The following RNF43 variants were observed in gnomAD, a reference collection of about 807,000 sequenced individuals.
RNF43 encodes the protein E3 ubiquitin-protein ligase RNF43.
Under a neutral mutation model 78.4 loss-of-function variants are expected in RNF43, and 37 were observed. That is an observed-to-expected ratio of 0.47 (90% CI 0.36 to 0.62). The LOEUF (loss-of-function observed/expected upper bound fraction) is 0.62. RNF43 is among the 20% of genes least tolerant of loss of function. The pLI is 0.00. For synonymous variants in RNF43, 347 were observed against 395.0 expected (o/e 0.88, Z 1.44); for missense variants, 774 against 1,007.9 (o/e 0.77, Z 3.14).
chr17:58,399,258 TGAACACAGA>T (rs879426742), intron 2 of RNF43, among the ~76,000 whole-genome samples: 79 of 152,312 alleles, frequency 5.2e-4, no homozygotes, highest in Non-Finnish European at 7.3e-4. Context: ...TACAAAACAC[TGAACACAGA>T]TTTTTTTATA....
intron 2 of RNF43, among the ~76,000 whole-genome samples, chr17:58,391,539 C>G (rs559432447): frequency 1.3e-5 from 2 of 152,176 alleles, no homozygotes; most frequent in Non-Finnish European, 2.9e-5. Context: ...TGGGGGCCAA[C>G]GCTGGACGCC....
Position 58,362,718 on chromosome 17 carries a change from A to T in RNF43, c.583-70T>A. On this transcript the variant is annotated intron_variant, in intron 5 of 9. Coordinates refer to ENST00000407977, the MANE Select transcript of RNF43 (RefSeq NM_017763.6). ...GCTGGGTCAATTCGGGAGGAAACAC[A>T]GGAGCCCGGGAGGCACATAGCTAAC... 2.4e-6 allele frequency: 3 copies of T among 1,250,564 alleles called. No homozygotes were observed. The South Asian group carries it at 4.2e-5, about 17-fold the overall frequency. 77.5% of individuals were successfully genotyped at this position (1,250,564 alleles called of 1,614,324 possible).
chr17:58,404,377 A>G (rs1330336150), intron 2 of RNF43, among the ~76,000 whole-genome samples: 2 of 152,314 alleles, frequency 1.3e-5, no homozygotes, highest in Non-Finnish European at 2.9e-5. Flanking sequence ...CCAACTCTAC[A>G]CCAACAGATG....
chr17:58,371,069 T>G (rs376915958), intron 2 of RNF43, 36 bp from the exon 3 acceptor site: 54 of 1,532,806 alleles, frequency 3.5e-5, no homozygotes, highest in Non-Finnish European at 4.6e-5. Flanking sequence ...AGGGAGGCTT[T>G]AGGCAGCAGG....
rs746582652 is a variant in RNF43, at chr17:58,363,353, G to A, written c.504C>T (p.Asp168=). 2.5e-5 allele frequency: 40 copies of A among 1,614,122 alleles called. No homozygotes were observed. Among genetic ancestry groups the A allele is most frequent in the Middle Eastern group, 1.6e-4 (1 of 6,062 alleles). ...TWPVVLIWGN[D]AEKLMEFVYK... ...ACACAAACTCCATCAGCTTCTCAGC[G>A]TCATTACCCCAGATCAACACCACTG... Residue 168 remains aspartate, a synonymous_variant, in exon 5 of 10, where the codon GAC becomes GAT. Coordinates refer to ENST00000407977, the MANE Select transcript of RNF43 (RefSeq NM_017763.6).
chr17:58,405,045 G>GGTATGACT (rs889847403), intron 2 of RNF43, among the ~76,000 whole-genome samples: 13 of 148,436 alleles, frequency 8.8e-5, no homozygotes, highest in African/African-American at 2.5e-4. Context: ...AAATTTAGAA[G>GGTATGACT]GTATGACTGG....
intron 3 of RNF43, among the ~76,000 whole-genome samples, chr17:58,368,965 A>C (rs1340669929): frequency 1.3e-5 from 2 of 152,098 alleles, no homozygotes; most frequent in Non-Finnish European, 2.9e-5. Flanking sequence ...TGCAACAGGC[A>C]AAAGAGAAGG....
chr17:58,370,062 T>TG (rs1436789362), intron 3 of RNF43, among the ~76,000 whole-genome samples: 4 of 95,918 alleles, frequency 4.2e-5, no homozygotes, highest in Non-Finnish European at 7.0e-5. Context: ...AAATCTGAGT[T>TG]TTTTTTTTTT....
intron 6 of RNF43, 23 bp downstream of exon 6, chr17:58,362,521 G>C (rs748501873): frequency 6.4e-7 from 1 of 1,572,786 alleles, no homozygotes; most frequent in South Asian, 1.1e-5. Context: ...GTTCACCGCC[G>C]CCAAAGACCC....
intron 2 of RNF43, among the ~76,000 whole-genome samples, chr17:58,406,046 G>A (rs780113218): frequency 5.3e-5 from 8 of 152,148 alleles, no homozygotes; most frequent in Non-Finnish European, 4.4e-5. Flanking sequence ...AGAAGATCCA[G>A]GACTACAGAC....
At chr17:58,388,394 A>G (rs577218307) in intron 2 of RNF43, among the ~76,000 whole-genome samples, 2 of 152,316 alleles carry the variant, frequency 1.3e-5, no homozygotes, top group South Asian at 2.1e-4. Flanking sequence ...GTGACACGGC[A>G]TATCAATGGC....
chr17:58,393,874 G>T (rs902657623), intron 2 of RNF43, among the ~76,000 whole-genome samples: 2 of 152,086 alleles, frequency 1.3e-5, no homozygotes, highest in Non-Finnish European at 2.9e-5. Context: ...CTAACATGGT[G>T]AAACCCCGTC....
chr17:58,385,059 G>A (rs1329255658), intron 2 of RNF43, among the ~76,000 whole-genome samples: 1 of 152,162 alleles, frequency 6.6e-6, no homozygotes, highest in Non-Finnish European at 1.5e-5. Context: ...GACTCTTCAC[G>A]TGTTGCTCAT....
At chr17:58,372,633 T>G (rs865896951) in intron 2 of RNF43, among the ~76,000 whole-genome samples, 3 of 152,342 alleles carry the variant, frequency 2.0e-5, no homozygotes, top group South Asian at 2.1e-4. Flanking sequence ...AGAGGCTCCT[T>G]GCCTTAAAGC....
At chr17:58,405,700 C>CAGAAAGAAAGAA (rs199880674) in intron 2 of RNF43, among the ~76,000 whole-genome samples, 3,021 of 110,222 alleles carry the variant, frequency 0.027, 76 homozygotes, top group Middle Eastern at 0.039. Flanking sequence ...TCTCTAATGA[C>CAGAAAGAAAGAA]AGAAAGAAAG....
chr17:58,399,350 T>A (rs1422163570), intron 2 of RNF43, among the ~76,000 whole-genome samples: 1 of 152,172 alleles, frequency 6.6e-6, no homozygotes, highest in Non-Finnish European at 1.5e-5. Flanking sequence ...GAGACAAATA[T>A]TTGATAGATG....
At position 58,357,897 on chromosome 17, in the gene RNF43, C is replaced by G. The variant is rs1442812242; in HGVS notation, c.1879G>C (p.Val627Leu). 1.9e-6 allele frequency: 3 copies of G among 1,613,318 alleles called. No homozygotes were observed. In the East Asian group the frequency reaches 6.7e-5, roughly 36 times the overall value. Reference protein sequence around the residue: ...RALPEPAPGPVDASSICPSTS... With the variant: ...RALPEPAPGPLDASSICPSTS... ...CTGGGGCAGATGCTGGAGGCGTCAACTGGGCCAGGGGCTGGCTCAGGGAGG... is the reference window on the plus strand; with the variant it reads ...CTGGGGCAGATGCTGGAGGCGTCAAGTGGGCCAGGGGCTGGCTCAGGGAGG... Residue 627 changes from valine to leucine, a missense_variant, in exon 9 of 10, where the codon GTT (valine) becomes CTT (leucine). Transcript: ENST00000407977. This position sits in a 1 kb window ranked among gnomAD's most constrained non-coding sequence, Gnocchi z 4.5.
intron 2 of RNF43, among the ~76,000 whole-genome samples, chr17:58,388,141 G>A (rs1973475652): frequency 6.6e-6 from 1 of 152,214 alleles, no homozygotes; most frequent in African/African-American, 2.4e-5. Context: ...TAACCACCCA[G>A]TCATCAGGCC....
chr17:58,358,458 G>T lies in RNF43; in HGVS notation c.1318C>A (p.Pro440Thr), dbSNP rs150996748. 2 of 1,613,948 alleles carry T rather than the reference G, an allele frequency of 1.2e-6. No homozygotes were observed. ...TCTCCAGATCCACTGCTGTCAGGGG[G>T]CCTGGCCCGGCGTAGGGGCACTGGG... is the stretch of plus-strand genomic sequence containing the variant. ...ACPVPLRRAR[P>T]PDSSGSGESY... is the part of the protein sequence containing the mutation. The change falls in exon 9 of 10, where the codon CCC becomes ACC. Residue 440 changes from proline to threonine, a missense_variant. By Grantham distance (38) the Pro-to-Thr change is conservative. Transcript: ENST00000407977. This position sits in a 1 kb window ranked among gnomAD's most constrained non-coding sequence, Gnocchi z 6.2.
Sources: allele counts gnomAD v4.1 joint callset (sites outside exome capture counted in the v4.1 genomes callset), GRCh38; gene constraint gnomAD v4.1.1; non-coding constraint Gnocchi (gnomAD v3.1); transcripts MANE v1.5; gene names NCBI Gene and HGNC (gene_info 2026-07-23, HGNC 2026-07-21).